CEP63: variants seen among roughly 807,000 people sequenced by gnomAD.
CEP63 encodes centrosomal protein 63.
CEP63 carries 84 observed loss-of-function variants against 89.1 expected under a neutral mutation model. The observed-to-expected ratio is 0.94, with a 90% CI of 0.79 to 1.13. The LOEUF (loss-of-function observed/expected upper bound fraction) is 1.13. Ranked by LOEUF, CEP63 falls within the 50% of genes most tolerant of loss-of-function variation. CEP63 has a pLI of 0.00. For missense variants in CEP63, 838 were observed against 813.3 expected, an observed-to-expected ratio of 1.03 and a Z score of -0.37; for synonymous variants, 267 against 272.5, an observed-to-expected ratio of 0.98 and a Z score of 0.20.
At chr3:134,694,074 C>A in the CEP63 span, among the ~76,000 whole-genome samples, 1 of 152,222 alleles carries the variant, frequency 6.6e-6, no homozygotes, top group Non-Finnish European at 1.5e-5. Flanking sequence ...CCTCTGGCCC[C>A]ATTTCAGAAA....
intron 3 of CEP63, among the ~76,000 whole-genome samples, chr3:134,516,214 G>C (rs1214897763): frequency 6.6e-6 from 1 of 152,184 alleles, no homozygotes; most frequent in Non-Finnish European, 1.5e-5. Context: ...TCTGCATCAT[G>C]AACAAGGTAA....
chr3:134,678,541 A>G, the CEP63 span, among the ~76,000 whole-genome samples: 18 of 152,212 alleles, frequency 1.2e-4, no homozygotes, highest in African/African-American at 4.3e-4. Context: ...GGAGTGAACC[A>G]TAACAGCTAA....
chr3:134,536,910 G>A (rs1950870458), intron 5 of CEP63: 9 of 472,342 alleles, frequency 1.9e-5, no homozygotes, highest in South Asian at 1.6e-4. Context: ...CTTAACATCT[G>A]CGTGTCATAC....
the CEP63 span, among the ~76,000 whole-genome samples, chr3:134,708,488 A>T: frequency 1.3e-5 from 2 of 152,208 alleles, no homozygotes; most frequent in African/African-American, 2.4e-5. Context: ...AGTGGCCCTC[A>T]TATTTCCCCT....
chr3:134,671,397 T>C, the CEP63 span, among the ~76,000 whole-genome samples: 1 of 152,186 alleles, frequency 6.6e-6, no homozygotes, highest in Non-Finnish European at 1.5e-5. Flanking sequence ...TGTTCATTAT[T>C]TGGGTAATGG....
chr3:134,726,329 C>T, the CEP63 span, among the ~76,000 whole-genome samples: 4 of 152,110 alleles, frequency 2.6e-5, no homozygotes, highest in South Asian at 4.1e-4. Context: ...AGTAAAGGCC[C>T]GGCTTTGGGT....
At chr3:134,668,416 G>A in the CEP63 span, among the ~76,000 whole-genome samples, 1 of 152,202 alleles carries the variant, frequency 6.6e-6, no homozygotes, top group Non-Finnish European at 1.5e-5. Context: ...ACCTCGGCCT[G>A]AAGAGGAAGC....
At chr3:134,529,576 A>G (rs534624568) in intron 3 of CEP63, among the ~76,000 whole-genome samples, 146 of 152,202 alleles carry the variant, frequency 9.6e-4, no homozygotes, top group African/African-American at 3.2e-3. Flanking sequence ...CCTGAACTCA[A>G]GTGATCCGCC....
intron 10 of CEP63, among the ~76,000 whole-genome samples, chr3:134,585,852 C>G (rs1050160392): frequency 6.6e-6 from 1 of 152,104 alleles, no homozygotes; most frequent in Admixed American, 6.6e-5. Context: ...TCTCTAAGGA[C>G]TTGCTTTATG....
chr3:134,577,757 G>A (rs1216477358), downstream of CEP63, among the ~76,000 whole-genome samples: 1 of 151,910 alleles, frequency 6.6e-6, no homozygotes, highest in African/African-American at 2.4e-5. Context: ...TTGTCCTAAT[G>A]CTCTCCCTCA....
At chr3:134,528,533 C>G (rs531151591) in intron 3 of CEP63, among the ~76,000 whole-genome samples, 3 of 148,798 alleles carry the variant, frequency 2.0e-5, no homozygotes, top group Non-Finnish European at 4.5e-5. Flanking sequence ...AAAGGCCACA[C>G]TACTGAAAGC....
the CEP63 span, among the ~76,000 whole-genome samples, chr3:134,691,346 A>C: frequency 2.2e-5 from 3 of 135,708 alleles, no homozygotes; most frequent in Non-Finnish European, 4.7e-5. Context: ...TGACAGAGAG[A>C]GATCCTGTCT....
At chr3:134,765,656 G>T in the CEP63 span, among the ~76,000 whole-genome samples, 1 of 152,240 alleles carries the variant, frequency 6.6e-6, no homozygotes, top group Non-Finnish European at 1.5e-5. Flanking sequence ...GAAACTGGAA[G>T]GAGTTCAGTA....
At chr3:134,577,895 A>T (rs1292900809), downstream of CEP63, among the ~76,000 whole-genome samples, 3 of 151,950 alleles carry the variant, frequency 2.0e-5, no homozygotes, top group Admixed American at 2.0e-4. Context: ...TTCCTGTGTT[A>T]GTTTGCTGAG....
At chr3:134,569,578 C>A (rs118008588), downstream of CEP63, among the ~76,000 whole-genome samples, 906 of 152,328 alleles carry the variant, frequency 5.9e-3, 22 homozygotes, top group South Asian at 0.074. Context: ...TTGCACAGCT[C>A]CACTCCTGTG....
At chr3:134,509,478 ACTTT>A (rs1217190755) in intron 3 of CEP63, among the ~76,000 whole-genome samples, 2 of 152,198 alleles carry the variant, frequency 1.3e-5, no homozygotes, top group Non-Finnish European at 2.9e-5. Context: ...TTGTCAACAA[ACTTT>A]CTTCTCTTGC....
chr3:134,530,488 T>C (rs1949658791), intron 3 of CEP63, among the ~76,000 whole-genome samples: 1 of 152,228 alleles, frequency 6.6e-6, no homozygotes, highest in Non-Finnish European at 1.5e-5. Flanking sequence ...TTTTGTGTAC[T>C]AAAAGTTAAA....
chr3:134,554,856 G>A (rs561597190), intron 12 of CEP63, among the ~76,000 whole-genome samples: 62 of 152,050 alleles, frequency 4.1e-4, no homozygotes, highest in African/African-American at 1.5e-3. Flanking sequence ...ATTTTTTCAT[G>A]TGTTTTTTGG....
chr3:134,745,439 T>A, the CEP63 span, among the ~76,000 whole-genome samples: 3 of 152,234 alleles, frequency 2.0e-5, no homozygotes, highest in Non-Finnish European at 4.4e-5. Context: ...TTGTGGTTGA[T>A]CATCCTGAGT....
Sources: gnomAD v4.1 joint callset for allele counts (sites outside exome capture counted in the v4.1 genomes callset) on GRCh38, gnomAD v4.1.1 for gene constraint, MANE v1.5 for transcripts, NCBI Gene and HGNC (gene_info 2026-07-23, HGNC 2026-07-21) for gene names.